The following SYT7 variants were observed in gnomAD, a reference collection of about 807,000 sequenced individuals.
The protein encoded by SYT7 is synaptotagmin 7, also known as synaptotagmin-7.
A neutral mutation model predicts 75.1 loss-of-function variants in SYT7; 29 were observed. The ratio of observed to expected loss-of-function variants is 0.39; its 90% confidence interval spans 0.29 to 0.53. The LOEUF (loss-of-function observed/expected upper bound fraction) is 0.53. SYT7 is among the 20% of genes least tolerant of loss of function. The pLI is 0.77. For missense variants in SYT7, 693 were observed against 953.2 expected (o/e 0.73, Z 3.59); for synonymous variants, 376 against 401.7 (o/e 0.94, Z 0.76).
chr11:61,584,437 T>C (rs2064344792), upstream of SYT7, among the ~76,000 whole-genome samples: 1 of 151,772 alleles, frequency 6.6e-6, no homozygotes, highest in Non-Finnish European at 1.5e-5. Flanking sequence ...GAACATATAA[T>C]TTATTCCTTA....
chr11:61,554,345 C>T (rs1034311618), intron 2 of SYT7, among the ~76,000 whole-genome samples: 1 of 152,010 alleles, frequency 6.6e-6, no homozygotes, highest in Non-Finnish European at 1.5e-5. Context: ...CAGAGGAGGC[C>T]AGGAGGGTGG....
chr11:61,566,894 C>T (rs1042076379), intron 1 of SYT7, among the ~76,000 whole-genome samples: 1 of 152,210 alleles, frequency 6.6e-6, no homozygotes, highest in African/African-American at 2.4e-5. Context: ...TTTATCTCCC[C>T]GAGTCATAGG....
At position 61,553,923 on chromosome 11, in the gene SYT7, A is replaced by AG. The variant is rs1408028204; in HGVS notation, c.135+2180dup. ...TTAAAGTCCCTTCCATGGAGCAAGGAGACAGCCTGATCAACGAGCTCCCTG... is the reference window on the plus strand; with the variant it reads ...TTAAAGTCCCTTCCATGGAGCAAGGAGGACAGCCTGATCAACGAGCTCCCTG... On this transcript the variant is annotated intron_variant, in intron 2 of 12. Coordinates refer to ENST00000539008, the MANE Select transcript of SYT7 (RefSeq NM_001365809.2). This position sits in a 1 kb window ranked among gnomAD's most constrained non-coding sequence, Gnocchi z 5.2. Among the ~76,000 whole-genome samples, 3 of 152,222 alleles carry AG rather than the reference A, an allele frequency of 2.0e-5. No individual in the cohort carries two copies. The highest frequency in any genetic ancestry group is 4.2e-4 in the South Asian group (2 of 4,812).
At position 61,551,372 on chromosome 11, in the gene SYT7, C is replaced by G. The variant is rs777873956; in HGVS notation, c.215+12G>C. On this transcript the variant is annotated intron_variant, in intron 3 of 12. Transcript: ENST00000539008. This position sits in a 1 kb window ranked among gnomAD's most constrained non-coding sequence, Gnocchi z 5.3. ...GTGTGGCCCCATCCCAAACTAGCAGCCTGGCACCTACTTGATAGCCTTCTT... is the reference window on the plus strand; with the variant it reads ...GTGTGGCCCCATCCCAAACTAGCAGGCTGGCACCTACTTGATAGCCTTCTT... The G allele has an allele frequency of 3.3e-5, 53 of 1,613,430 alleles. No individual in the cohort carries two copies. The highest frequency in any genetic ancestry group is 4.2e-5 in the Non-Finnish European group (50 of 1,179,870).
rs1042062623 is a variant in SYT7, at chr11:61,542,872, G to A, written c.573-293C>T. ...TCCTGGCTAGGCCGACCTCCCTGCC[G>A]GTCTGAGTGGGCTGCGAGTGCTGCT... On this transcript the variant is annotated intron_variant, in intron 5 of 12. Transcript: ENST00000539008. This position sits in a 1 kb window ranked among gnomAD's most constrained non-coding sequence, Gnocchi z 7.8. Among the ~76,000 whole-genome samples the A allele has an allele frequency of 1.2e-4, 18 of 152,212 alleles. 1 individual carries two copies. The highest frequency in any genetic ancestry group is 3.9e-4 in the African/African-American group (16 of 41,464).
In SYT7 at chr11:61,553,651, C is replaced by G. The variant is rs570732676; in HGVS notation, c.136-2188G>C. On this transcript the variant is annotated intron_variant, in intron 2 of 12. Transcript: ENST00000539008. This position sits in a 1 kb window ranked among gnomAD's most constrained non-coding sequence, Gnocchi z 5.2. The stretch of plus-strand genomic sequence containing the variant: ...TGATGTGGAGGGCAGGGGGACAACC[C>G]AAGTTAACAGGAAACCAGGCAGGGT... 6.6e-5 allele frequency among the ~76,000 whole-genome samples: 10 copies of G among 152,312 alleles called. No homozygotes were observed. Among genetic ancestry groups the G allele is most frequent in the African/African-American group, 2.2e-4 (9 of 41,576 alleles).
At chr11:61,555,613 T>G (rs1190492172) in intron 2 of SYT7, among the ~76,000 whole-genome samples, 1 of 151,792 alleles carries the variant, frequency 6.6e-6, no homozygotes, top group Non-Finnish European at 1.5e-5. Context: ...CCAGGATGGA[T>G]GTGCGGGGGT....
Position 61,518,602 on chromosome 11 carries a change from C to A in SYT7, c.*25G>T. The A allele has an allele frequency of 6.7e-7, 1 of 1,500,292 alleles. No homozygotes were observed. Among genetic ancestry groups the A allele is most frequent in the Non-Finnish European group, 9.0e-7 (1 of 1,114,018 alleles). The allele number at this position is 1,500,292 out of a possible 1,614,324, so 92.9% of individuals were successfully genotyped here. On this transcript the variant is annotated 3_prime_UTR_variant, in exon 13 of 13. Transcript: ENST00000539008. Reference sequence around the variant, plus strand: ...GCATGATGGGGACCTGGGCCCTCGGCCCCCTGGGCCTCCCTTGGCCCCACT... The same window carrying A: ...GCATGATGGGGACCTGGGCCCTCGGACCCCTGGGCCTCCCTTGGCCCCACT...
chr11:61,538,391 G>GAGAGAA (rs2062943506), intron 6 of SYT7, 125 bp from the exon 7 acceptor site: 18 of 565,940 alleles, frequency 3.2e-5, no homozygotes, highest in South Asian at 9.0e-5. Context: ...GAGAGAGAAA[G>GAGAGAA]AGAGAGAGAG....
In SYT7 at chr11:61,546,285, G is replaced by T; in HGVS notation, c.348-30C>A. On this transcript the variant is annotated intron_variant, in intron 4 of 12. Coordinates refer to ENST00000539008, the MANE Select transcript of SYT7 (RefSeq NM_001365809.2). The surrounding 1 kb of genome is among the most constrained non-coding windows in gnomAD (Gnocchi z 7.6). ...AGGCATGCACGAGGCAGCCAGGCCA[G>T]AGGGGCACCGGGGGTGGCGGTGGGG... is the stretch of plus-strand genomic sequence containing the variant. 2 of 1,402,160 alleles carry T rather than the reference G, an allele frequency of 1.4e-6. No individual in the cohort carries two copies. The highest frequency in any genetic ancestry group is 1.8e-6 in the Non-Finnish European group (2 of 1,082,488). 86.9% of individuals were successfully genotyped at this position (1,402,160 alleles called of 1,614,324 possible).
At chr11:61,537,719 G>A (rs1213598722) in intron 7 of SYT7, among the ~76,000 whole-genome samples, 2 of 152,228 alleles carry the variant, frequency 1.3e-5, no homozygotes, top group African/African-American at 2.4e-5. Flanking sequence ...TTGAGGGGGT[G>A]GGGATGAGGG....
In SYT7 at chr11:61,514,743, G is replaced by A. The variant is rs1484561654; in HGVS notation, c.*3884C>T. ...CTTCCCACACCTCAGGCTGGAACCT[G>A]TTCTATTGAGTGGAAGAGACTTTTC... On this transcript the variant is annotated 3_prime_UTR_variant, in exon 13 of 13. Transcript: ENST00000539008. 6.6e-6 allele frequency among the ~76,000 whole-genome samples: 1 copy of A among 152,186 alleles called. No homozygotes were observed. The highest frequency in any genetic ancestry group is 1.5e-5 in the Non-Finnish European group (1 of 68,024).
At position 61,517,331 on chromosome 11, in the gene SYT7, C is replaced by T. The variant is rs1446637205; in HGVS notation, c.*1296G>A. 2 of 398,676 alleles carry T rather than the reference C, an allele frequency of 5.0e-6. No homozygotes were observed. The highest frequency in any genetic ancestry group is 8.8e-6 in the Non-Finnish European group (2 of 226,090). The allele number at this position is 398,676 out of a possible 1,614,324, so 24.7% of individuals were successfully genotyped here. ...TTCTTTGTGTGTGGCAACCTCAGAA[C>T]TCACAGAATCCTGGTCTTTTCCCTG... is the stretch of plus-strand genomic sequence containing the variant. On this transcript the variant is annotated 3_prime_UTR_variant, in exon 13 of 13. Transcript: ENST00000539008.
intron 1 of SYT7, among the ~76,000 whole-genome samples, chr11:61,568,721 C>T (rs2063841154): frequency 6.6e-6 from 1 of 152,254 alleles, no homozygotes; most frequent in Non-Finnish European, 1.5e-5. Context: ...ACTCCAGCCC[C>T]CCACCATCCT....
At chr11:61,578,595 C>A (rs533870946) in intron 1 of SYT7, among the ~76,000 whole-genome samples, 3 of 152,094 alleles carry the variant, frequency 2.0e-5, no homozygotes, top group Non-Finnish European at 2.9e-5. Context: ...GTCTAGGGAG[C>A]CTTGGGGGAG....
In SYT7 at chr11:61,523,400, AC is replaced by A; in HGVS notation, c.1757-127del. On this transcript the variant is annotated intron_variant, in intron 11 of 12. Transcript: ENST00000539008. The surrounding 1 kb of genome is among the most constrained non-coding windows in gnomAD (Gnocchi z 5.0). Reference sequence around the variant, plus strand: ...GTGCTTTCCCCAGAGGCAAGGAAAGACCCAGGCAAGAACAAGAGGGACCTGG... The same window carrying A: ...GTGCTTTCCCCAGAGGCAAGGAAAGACCAGGCAAGAACAAGAGGGACCTGG... The A allele has an allele frequency of 1.1e-6, 1 of 913,914 alleles. No individual in the cohort carries two copies. The highest frequency in any genetic ancestry group is 1.7e-6 in the Non-Finnish European group (1 of 587,572). The allele number at this position is 913,914 out of a possible 1,614,324, so 56.6% of individuals were successfully genotyped here. A position where few individuals can be genotyped will look rare whatever the true frequency, so the allele number is the denominator to read the frequency against.
chr11:61,520,533 A>C (rs1294474081), intron 12 of SYT7, among the ~76,000 whole-genome samples: 7 of 151,868 alleles, frequency 4.6e-5, no homozygotes, highest in African/African-American at 1.7e-4. Flanking sequence ...AAAAAAAAAA[A>C]AGATAGGGAG....
chr11:61,587,149 C>T, the SYT7 span, among the ~76,000 whole-genome samples: 1 of 152,308 alleles, frequency 6.6e-6, no homozygotes, highest in South Asian at 2.1e-4. Context: ...GGACTCAGGC[C>T]AGTCAGCTCC....
intron 2 of SYT7, 89 bp downstream of exon 2, chr11:61,556,015 C>G (rs891848215): frequency 4.7e-6 from 6 of 1,268,072 alleles, no homozygotes; most frequent in African/African-American, 1.5e-5. Flanking sequence ...TGGGAAAATT[C>G]CCAAGCCTGT....
Sources: allele counts gnomAD v4.1 joint callset (sites outside exome capture counted in the v4.1 genomes callset), GRCh38; gene constraint gnomAD v4.1.1; non-coding constraint Gnocchi (gnomAD v3.1); transcripts MANE v1.5; gene names NCBI Gene and HGNC (gene_info 2026-07-23, HGNC 2026-07-21).